The following CNGB1 variants were observed in gnomAD, a reference collection of about 807,000 sequenced individuals.
The protein encoded by CNGB1 is cyclic nucleotide-gated channel beta-1.
Under a neutral mutation model 151.7 loss-of-function variants are expected in CNGB1, and 126 were observed. The observed-to-expected ratio is 0.83, with a 90% CI of 0.72 to 0.96. The LOEUF is 0.96. Among genes scored for constraint, CNGB1 ranks in the 40% least tolerant of loss-of-function variants. The pLI, the probability that CNGB1 is intolerant of heterozygous loss-of-function variation, is 0.00. For missense variants in CNGB1, 1,698 were observed against 1,627.0 expected (o/e 1.04, Z -0.75); for synonymous variants, 623 against 635.1 (o/e 0.98, Z 0.29).
At chr16:57,886,317 C>G (rs1255893159) in intron 32 of CNGB1, among the ~76,000 whole-genome samples, 1 of 152,182 alleles carries the variant, frequency 6.6e-6, no homozygotes, top group Admixed American at 6.5e-5. Context: ...AGAGCTACCA[C>G]TTAGGAGCCA....
At chr16:57,888,294 T>C (rs562901065) in intron 31 of CNGB1, among the ~76,000 whole-genome samples, 13 of 152,294 alleles carry the variant, frequency 8.5e-5, no homozygotes, top group Non-Finnish European at 1.2e-4. Context: ...TTACTGTCTG[T>C]TGTACCTTAG....
At chr16:57,931,479 C>T (rs1961348404) in intron 17 of CNGB1, among the ~76,000 whole-genome samples, 1 of 152,154 alleles carries the variant, frequency 6.6e-6, no homozygotes, top group South Asian at 2.1e-4. Flanking sequence ...TATTATATTA[C>T]TCCTTCTAAC....
At position 57,887,865 on chromosome 16, in the gene CNGB1, A is replaced by G; in HGVS notation, c.3452T>C (p.Leu1151Ser). The G allele has an allele frequency of 6.2e-7, 1 of 1,614,142 alleles. No individual in the cohort carries two copies. The highest frequency in any genetic ancestry group is 2.2e-5 in the East Asian group (1 of 44,876). ...ALEAAAKQQE[L>S]VEQAKSSQDV... ...TCCCAACCACATTACCTGTTCCACC[A>G]ACTCTTGCTGCTTTGCAGCCGCCTC... The change falls in exon 32 of 33, where the codon TTG (leucine) becomes TCG (serine). Residue 1151 changes from leucine to serine, a missense_variant. Physicochemically the swap from Leu to Ser is moderately radical, Grantham distance 145. Transcript: ENST00000251102.
chr16:57,967,658 G>A (rs1962434790), intron 1 of CNGB1, among the ~76,000 whole-genome samples: 1 of 151,976 alleles, frequency 6.6e-6, no homozygotes, highest in Admixed American at 6.6e-5. Context: ...ATGCACCACT[G>A]TACTCCAGCC....
chr16:57,906,307 A>C (rs775694028), intron 25 of CNGB1, among the ~76,000 whole-genome samples: 8 of 152,264 alleles, frequency 5.3e-5, no homozygotes, highest in Non-Finnish European at 1.2e-4. Context: ...TGCTAGAAGA[A>C]GCCTGGCACG....
chr16:57,931,933 G>A lies in CNGB1; in HGVS notation c.1373-55C>T. ...AGAGAGAGACAAAAGCTGGGTCCCA[G>A]GAGTCCAGCTGTGTTCTTGAAGAAA... On this transcript the variant is annotated intron_variant, in intron 16 of 32. Transcript: ENST00000251102. The A allele has an allele frequency of 8.2e-6, 13 of 1,593,668 alleles. No individual in the cohort carries two copies. In the South Asian group the frequency reaches 1.4e-4, roughly 18 times the overall value.
In CNGB1 at chr16:57,888,067, G is replaced by T; in HGVS notation, c.3250C>A (p.Leu1084Met). The stretch of plus-strand genomic sequence containing the variant: ...TCCTTGGGCTTATTGTTGCTTCTCA[G>T]CATGCGCCTGGAAGAAAGCAGCATC... Reference protein sequence around the residue: ...KLLRKKARRMLRSNNKPKEEK... With the variant: ...KLLRKKARRMMRSNNKPKEEK... Residue 1084 changes from leucine to methionine, a missense_variant, in exon 32 of 33, where the codon CTG (leucine) becomes ATG (methionine). By Grantham distance (15) the Leu-to-Met change is conservative. Coordinates refer to ENST00000251102, the MANE Select transcript of CNGB1 (RefSeq NM_001297.5). 1 of 1,613,778 alleles carries T rather than the reference G, an allele frequency of 6.2e-7. No individual in the cohort carries two copies. The highest frequency in any genetic ancestry group is 1.1e-5 in the South Asian group (1 of 91,076).
intron 10 of CNGB1, 59 bp downstream of exon 10, chr16:57,959,829 C>T (rs980493870): frequency 1.8e-5 from 26 of 1,428,390 alleles, no homozygotes; most frequent in African/African-American, 5.7e-5. Context: ...GGGTGTTAGG[C>T]GGGGACAAGG....
In CNGB1 at chr16:57,939,430, C is replaced by T; in HGVS notation, c.1372G>A (p.Val458Met). ...CCATCACCACCACCACCACACCTAC[C>T]TCCTGAACTGGCAGCCTCGGCCTCA... Reference protein sequence around the residue: ...EAEAEAASSGVPATKQHPEVQ... With the variant: ...EAEAEAASSGMPATKQHPEVQ... Residue 458 changes from valine (V) to methionine (M), a missense_variant and splice_region_variant, in exon 16 of 33, where the codon GTG (valine) becomes ATG (methionine). Val to Met is a conservative substitution (Grantham distance 21, BLOSUM62 1). Transcript: ENST00000251102. 3 of 1,614,104 alleles carry T rather than the reference C, an allele frequency of 1.9e-6. No homozygotes were observed. Among genetic ancestry groups the T allele is most frequent in the East Asian group, 2.2e-5 (1 of 44,860 alleles).
intron 15 of CNGB1, among the ~76,000 whole-genome samples, chr16:57,939,858 G>T (rs1197478118): frequency 6.6e-6 from 1 of 152,178 alleles, no homozygotes; most frequent in Non-Finnish European, 1.5e-5. Context: ...TGGCACATGG[G>T]GGAACAAAGC....
rs78403095 is a variant in CNGB1, at chr16:57,967,757, T to C, written c.-8-463A>G. On this transcript the variant is annotated intron_variant, in intron 1 of 32. Transcript: ENST00000251102. Reference sequence around the variant, plus strand: ...TTTGATATACATATACACATACATATTACATATATACACACAGATATGTGT... The same window carrying C: ...TTTGATATACATATACACATACATACTACATATATACACACAGATATGTGT... Among the ~76,000 whole-genome samples the C allele has an allele frequency of 6.9e-3, 1,046 of 152,132 alleles. 11 individuals are homozygous for C. The highest frequency in any genetic ancestry group is 0.023 in the African/African-American group (956 of 41,480).
At chr16:57,967,937 G>A (rs1440313179) in intron 1 of CNGB1, among the ~76,000 whole-genome samples, 1 of 152,118 alleles carries the variant, frequency 6.6e-6, no homozygotes, top group Admixed American at 6.6e-5. Flanking sequence ...CTGGTTATTG[G>A]AAAGTACCTA....
intron 31 of CNGB1, among the ~76,000 whole-genome samples, chr16:57,890,984 T>C (rs1380186572): frequency 6.6e-6 from 1 of 152,200 alleles, no homozygotes; most frequent in Non-Finnish European, 1.5e-5. Flanking sequence ...CTCAGCCTTC[T>C]CAGTGTGGAC....
In CNGB1 at chr16:57,904,763, C is replaced by T. The variant is rs61735107; in HGVS notation, c.2605G>A (p.Val869Ile). 5.2e-5 allele frequency: 84 copies of T among 1,614,150 alleles called. No individual in the cohort carries two copies. Among genetic ancestry groups the T allele is most frequent in the African/African-American group, 4.0e-4 (30 of 75,032 alleles). The stretch of plus-strand genomic sequence containing the variant: ...CCGATCATCACAGAGAAAGCAAAGA[C>T]GCCCGTGAAATAATTCAGCAGCTGG... ...VFQLLNYFTG[V>I]FAFSVMIGQM... is the part of the protein sequence containing the mutation. The change falls in exon 26 of 33, where the codon GTC becomes ATC. Residue 869 changes from valine to isoleucine, a missense_variant. Transcript: ENST00000251102.
chr16:57,955,457 T>A, intron 12 of CNGB1: 2 of 1,142,908 alleles, frequency 1.7e-6, no homozygotes. Context: ...AGTGAATGAA[T>A]GGGGAAGGTA....
At chr16:57,905,528 A>T (rs1170808551) in intron 25 of CNGB1, among the ~76,000 whole-genome samples, 11 of 152,188 alleles carry the variant, frequency 7.2e-5, no homozygotes, top group African/African-American at 2.4e-4. Context: ...AGGGTGTCCT[A>T]CTGTGTGGTA....
At position 57,883,937 on chromosome 16, in the gene CNGB1, C is replaced by T; in HGVS notation, c.*227G>A. ...TCAAATGATAGTGAGAGCTCAGGGA[C>T]TCGAACACTTGATGCAACTTGTCGA... On this transcript the variant is annotated 3_prime_UTR_variant, in exon 33 of 33. Coordinates refer to ENST00000251102, the MANE Select transcript of CNGB1 (RefSeq NM_001297.5). 1 of 609,916 alleles carries T rather than the reference C, an allele frequency of 1.6e-6. No homozygotes were observed. 37.8% of individuals were successfully genotyped at this position (609,916 alleles called of 1,614,324 possible). A position where few individuals can be genotyped will look rare whatever the true frequency, so the allele number is the denominator to read the frequency against.
At chr16:57,930,430 G>A (rs1961313258) in intron 17 of CNGB1, among the ~76,000 whole-genome samples, 1 of 151,610 alleles carries the variant, frequency 6.6e-6, no homozygotes, top group Non-Finnish European at 1.5e-5. Context: ...GGAGGTTGAG[G>A]CTGCAGTGGA....
intron 16 of CNGB1, among the ~76,000 whole-genome samples, chr16:57,937,670 C>G (rs1020616209): frequency 1.3e-5 from 2 of 152,170 alleles, no homozygotes; most frequent in South Asian, 4.1e-4. Flanking sequence ...TTCTTAGACC[C>G]AAGAAACCCA....
Sources: gnomAD v4.1 joint callset for allele counts (sites outside exome capture counted in the v4.1 genomes callset) on GRCh38, gnomAD v4.1.1 for gene constraint, MANE v1.5 for transcripts, NCBI Gene and HGNC (gene_info 2026-07-23, HGNC 2026-07-21) for gene names.